Variants in CNTN5 observed in about 807,000 individuals in gnomAD.
The protein encoded by CNTN5 is contactin 5.
In CNTN5, 77 loss-of-function variants were observed where a neutral mutation model predicts 129.1. That is an observed-to-expected ratio of 0.60 (90% CI 0.50 to 0.72). The LOEUF (loss-of-function observed/expected upper bound fraction) is 0.72. Ranked by LOEUF, CNTN5 falls within the 30% of genes least tolerant of loss-of-function variation. CNTN5 has a pLI of 0.00. For synonymous variants in CNTN5, 509 were observed against 465.6 expected, an observed-to-expected ratio of 1.09 and a Z score of -1.20; for missense variants, 1,478 against 1,328.8, an observed-to-expected ratio of 1.11 and a Z score of -1.75.
chr11:99,773,922 C>T (rs1481238009), intron 3 of CNTN5, among the ~76,000 whole-genome samples: 1 of 152,050 alleles, frequency 6.6e-6, no homozygotes, highest in Non-Finnish European at 1.5e-5. Context: ...TTCCTAGCAA[C>T]TATTGCAGCT....
intron 13 of CNTN5, among the ~76,000 whole-genome samples, chr11:100,117,371 G>T (rs1035475895): frequency 2.0e-5 from 3 of 151,870 alleles, no homozygotes; most frequent in Non-Finnish European, 4.4e-5. Context: ...CTTTCCAACT[G>T]CCACTTGTTA....
At chr11:100,345,687 G>C (rs1395671214) in intron 23 of CNTN5, among the ~76,000 whole-genome samples, 1 of 151,982 alleles carries the variant, frequency 6.6e-6, no homozygotes, top group African/African-American at 2.4e-5. Context: ...TGCACAATAG[G>C]TAACACATTA....
At chr11:100,068,806 G>A (rs1219080531) in intron 10 of CNTN5, among the ~76,000 whole-genome samples, 1 of 152,122 alleles carries the variant, frequency 6.6e-6, no homozygotes, top group East Asian at 1.9e-4. Flanking sequence ...CCAAAGTGGG[G>A]CTTCTAAAGT....
At chr11:99,323,637 G>T (rs1054828700) in intron 1 of CNTN5, among the ~76,000 whole-genome samples, 4 of 151,840 alleles carry the variant, frequency 2.6e-5, no homozygotes, top group Admixed American at 2.6e-4. Context: ...GCAGTAAAAA[G>T]AACACAAAAT....
At chr11:99,750,061 G>A (rs1441381) in intron 3 of CNTN5, among the ~76,000 whole-genome samples, 46,928 of 151,932 alleles carry the variant, frequency 0.31, 7,962 homozygotes, top group African/African-American at 0.46. Flanking sequence ...ATGTTGGCTC[G>A]TCTGTGGATT....
At chr11:99,484,057 G>A (rs1945709745) in intron 2 of CNTN5, among the ~76,000 whole-genome samples, 1 of 151,802 alleles carries the variant, frequency 6.6e-6, no homozygotes, top group Non-Finnish European at 1.5e-5. Flanking sequence ...AAACAAATGG[G>A]ACTATATCTA....
At chr11:99,760,840 CACAG>C (rs1360666159) in intron 3 of CNTN5, among the ~76,000 whole-genome samples, 6 of 152,048 alleles carry the variant, frequency 3.9e-5, no homozygotes, top group Admixed American at 3.9e-4. Flanking sequence ...TACACACACA[CACAG>C]AGGTTTGTTT....
At chr11:100,311,932 T>C (rs1438590844) in intron 21 of CNTN5, among the ~76,000 whole-genome samples, 1 of 151,940 alleles carries the variant, frequency 6.6e-6, no homozygotes, top group African/African-American at 2.4e-5. Flanking sequence ...CAAGCAAAAA[T>C]GGAATATATT....
intron 8 of CNTN5, among the ~76,000 whole-genome samples, chr11:99,976,560 C>T (rs1450379780): frequency 6.6e-6 from 1 of 152,200 alleles, no homozygotes; most frequent in African/African-American, 2.4e-5. Flanking sequence ...TTCTGCAGAC[C>T]TACAGGCTCA....
rs116475712 is a variant in CNTN5 at position 99,215,558 on chromosome 11, A to G, written c.-209-109788A>G. Among the ~76,000 whole-genome samples, 691 of 152,240 alleles carry G rather than the reference A, an allele frequency of 4.5e-3. 4 individuals are homozygous for G. Among genetic ancestry groups the G allele is most frequent in the African/African-American group, 0.016 (665 of 41,560 alleles). On this transcript the variant is annotated intron_variant, in intron 1 of 24. Coordinates refer to ENST00000524871, the MANE Select transcript of CNTN5 (RefSeq NM_014361.4). ...GTGGTGCCATTTATTGAGATGAGAA[A>G]GATTCTGGGGAATAAATTTTGTTTG...
intron 13 of CNTN5, among the ~76,000 whole-genome samples, chr11:100,161,862 CACACACACACAAAACAA>C (rs1357492970): frequency 7.4e-5 from 11 of 149,222 alleles, no homozygotes; most frequent in Admixed American, 3.3e-4. Flanking sequence ...CACACACACA[CACACACACACAAAACAA>C]AAAACAAAAA....
intron 1 of CNTN5, among the ~76,000 whole-genome samples, chr11:99,028,393 G>T (rs902498080): frequency 8.6e-5 from 13 of 151,832 alleles, no homozygotes; most frequent in African/African-American, 2.7e-4. Flanking sequence ...CACCCATAGG[G>T]TGAATATAAT....
intron 3 of CNTN5, among the ~76,000 whole-genome samples, chr11:99,575,972 C>T (rs1206880156): frequency 1.3e-5 from 2 of 152,132 alleles, no homozygotes; most frequent in African/African-American, 4.8e-5. Flanking sequence ...GGACAACTAC[C>T]ACACAGAGGG....
chr11:99,249,701 A>G (rs1433064585), intron 1 of CNTN5, among the ~76,000 whole-genome samples: 5 of 151,974 alleles, frequency 3.3e-5, no homozygotes, highest in Admixed American at 1.3e-4. Context: ...AAACTTATCT[A>G]ATATATATAA....
chr11:99,809,500 A>C (rs1040508446), intron 3 of CNTN5, among the ~76,000 whole-genome samples: 1 of 152,228 alleles, frequency 6.6e-6, no homozygotes, highest in South Asian at 2.1e-4. Context: ...ATTTGTGTCT[A>C]TGTCCAAAAA....
Position 100,002,233 on chromosome 11 carries a change from A to G in CNTN5, c.980+97A>G, listed in dbSNP as rs538394212. 35 of 740,108 alleles carry G rather than the reference A, an allele frequency of 4.7e-5. No homozygotes were observed. The South Asian group carries it at 7.7e-4, about 16-fold the overall frequency. 45.8% of individuals were successfully genotyped at this position (740,108 alleles called of 1,614,324 possible). A position where few individuals can be genotyped will look rare whatever the true frequency, so the allele number is the denominator to read the frequency against. On this transcript the variant is annotated intron_variant, in intron 9 of 24. Transcript: ENST00000524871. ...TTATTTTGCTAGGTGTCATTTCCCC[A>G]GTTGTTCCATGGTGGCTATTTATTT...
At chr11:100,157,172 C>T (rs1010050567) in intron 13 of CNTN5, among the ~76,000 whole-genome samples, 2 of 151,728 alleles carry the variant, frequency 1.3e-5, no homozygotes, top group African/African-American at 4.8e-5. Context: ...GTTTATTAAA[C>T]CCTTATAATG....
intron 3 of CNTN5, among the ~76,000 whole-genome samples, chr11:99,731,139 T>C (rs1275015298): frequency 1.3e-5 from 2 of 151,986 alleles, no homozygotes; most frequent in African/African-American, 2.4e-5. Flanking sequence ...GACGGAGTCT[T>C]GCTCTGTCGC....
intron 23 of CNTN5, among the ~76,000 whole-genome samples, chr11:100,349,501 A>C (rs1952357507): frequency 6.6e-6 from 1 of 151,762 alleles, no homozygotes; most frequent in Admixed American, 6.6e-5. Context: ...AAAACACTAA[A>C]ATTGTTATTA....
Sources: allele counts gnomAD v4.1 joint callset (sites outside exome capture counted in the v4.1 genomes callset), GRCh38; gene constraint gnomAD v4.1.1; transcripts MANE v1.5; gene names NCBI Gene and HGNC (gene_info 2026-07-23, HGNC 2026-07-21).